RBFOX3: variants seen among roughly 807,000 people sequenced by gnomAD.
RBFOX3 encodes the protein RNA binding protein fox-1 homolog 3.
A neutral mutation model predicts 48.7 loss-of-function variants in RBFOX3; 17 were observed. The ratio of observed to expected loss-of-function variants is 0.35; its 90% CI spans 0.24 to 0.52. RBFOX3 has a LOEUF of 0.52. Ranked by LOEUF, RBFOX3 falls within the 20% of genes least tolerant of loss-of-function variation. The pLI is 0.94. For missense variants in RBFOX3, 382 were observed against 497.5 expected (o/e 0.77, Z 2.21); for synonymous variants, 212 against 209.5 (o/e 1.01, Z -0.10).
At chr17:79,590,779 G>A (rs1013203301) in intron 1 of RBFOX3, among the ~76,000 whole-genome samples, 3 of 152,182 alleles carry the variant, frequency 2.0e-5, no homozygotes, top group Admixed American at 6.5e-5. Flanking sequence ...TTTCTCACCA[G>A]AACGAAAAGG....
intron 2 of RBFOX3, among the ~76,000 whole-genome samples, chr17:79,399,321 C>CGGGA (rs940269658): frequency 1.1e-4 from 17 of 152,334 alleles, no homozygotes; most frequent in African/African-American, 4.1e-4. Flanking sequence ...ACCGAGGCAC[C>CGGGA]GGGAGGCAAA....
At chr17:79,584,565 T>TGC (rs2093178808) in intron 1 of RBFOX3, among the ~76,000 whole-genome samples, 1 of 152,064 alleles carries the variant, frequency 6.6e-6, no homozygotes, top group Admixed American at 6.5e-5. Context: ...TGTGTGTGTG[T>TGC]GTGTGTATGA....
chr17:79,248,634 G>A (rs1169661672), intron 3 of RBFOX3, among the ~76,000 whole-genome samples: 4 of 152,242 alleles, frequency 2.6e-5, no homozygotes, highest in African/African-American at 9.6e-5. Flanking sequence ...GTGGGCCTGT[G>A]CTTGGTGTCC....
intron 2 of RBFOX3, among the ~76,000 whole-genome samples, chr17:79,388,855 T>C (rs1325294689): frequency 6.6e-6 from 1 of 152,194 alleles, no homozygotes; most frequent in African/African-American, 2.4e-5. Context: ...GCTAACCACT[T>C]ATCTCTGAGC....
At chr17:79,546,298 G>A (rs1318474946) in intron 1 of RBFOX3, among the ~76,000 whole-genome samples, 1 of 152,154 alleles carries the variant, frequency 6.6e-6, no homozygotes, top group Non-Finnish European at 1.5e-5. Context: ...AGGAAGCACA[G>A]GTTTATGGAG....
At chr17:79,424,368 C>T (rs2066980536) in intron 2 of RBFOX3, among the ~76,000 whole-genome samples, 1 of 152,192 alleles carries the variant, frequency 6.6e-6, no homozygotes, top group Non-Finnish European at 1.5e-5. Flanking sequence ...AGCCCCTGCC[C>T]CCAGAAGTGA....
intron 1 of RBFOX3, among the ~76,000 whole-genome samples, chr17:79,576,822 A>T (rs960917433): frequency 6.6e-6 from 1 of 152,256 alleles, no homozygotes; most frequent in Admixed American, 6.5e-5. Flanking sequence ...GGAGATGGAG[A>T]TGGGTAGAGA....
chr17:79,207,949 G>A (rs2013204), intron 4 of RBFOX3, among the ~76,000 whole-genome samples: 133,476 of 152,186 alleles, frequency 0.88, 59,900 homozygotes, highest in Non-Finnish European at 0.98. Context: ...TTTTAAAACA[G>A]TATGGGCCAC....
chr17:79,162,256 G>A (rs2047128827), intron 4 of RBFOX3, among the ~76,000 whole-genome samples: 1 of 152,212 alleles, frequency 6.6e-6, no homozygotes, highest in South Asian at 2.1e-4. Flanking sequence ...TAATCTGGGA[G>A]TTAATGTGGT....
intron 4 of RBFOX3, among the ~76,000 whole-genome samples, chr17:79,159,773 C>T (rs1293852182): frequency 6.6e-6 from 1 of 152,214 alleles, no homozygotes; most frequent in Non-Finnish European, 1.5e-5. Flanking sequence ...AAATCATTTG[C>T]TCACAACCAC....
At position 79,171,524 on chromosome 17, in the gene RBFOX3, A is replaced by G. The variant is rs186159634; in HGVS notation, c.-33-55776T>C. ...GCTGTGTTCCAATAAAACTTTTAAA[A>G]AATAAAAACAGACAGTGGGACAGAT... On this transcript the variant is annotated intron_variant, in intron 4 of 14. Transcript: ENST00000693108. Among the ~76,000 whole-genome samples, 5 of 152,368 alleles carry G rather than the reference A, an allele frequency of 3.3e-5. No homozygotes were observed. The East Asian group carries it at 9.6e-4, about 29-fold the overall frequency.
At chr17:79,286,464 A>T (rs1157246151) in intron 3 of RBFOX3, among the ~76,000 whole-genome samples, 1 of 152,178 alleles carries the variant, frequency 6.6e-6, no homozygotes, top group Non-Finnish European at 1.5e-5. Flanking sequence ...CCCAAAGACC[A>T]GCAAAGCCTG....
intron 4 of RBFOX3, among the ~76,000 whole-genome samples, chr17:79,210,176 G>T (rs2058183204): frequency 6.6e-6 from 1 of 152,208 alleles, no homozygotes; most frequent in Admixed American, 6.5e-5. Context: ...AGTGGGGAGT[G>T]CAGGGGGCCA....
chr17:79,175,401 G>A (rs544007307), intron 4 of RBFOX3, among the ~76,000 whole-genome samples: 4 of 152,218 alleles, frequency 2.6e-5, no homozygotes, highest in Admixed American at 1.3e-4. Flanking sequence ...CTGTCATAAC[G>A]GCTTCAGATG....
intron 4 of RBFOX3, among the ~76,000 whole-genome samples, chr17:79,127,930 C>T (rs552224512): frequency 3.3e-5 from 5 of 152,234 alleles, no homozygotes; most frequent in Admixed American, 1.3e-4. Flanking sequence ...GCCCCCGTCA[C>T]GCTGCTGGTG....
At chr17:79,369,985 G>A (rs1181108723) in intron 2 of RBFOX3, among the ~76,000 whole-genome samples, 2 of 152,148 alleles carry the variant, frequency 1.3e-5, no homozygotes, top group Non-Finnish European at 1.5e-5. Context: ...CCCACCAGAC[G>A]CCCTTCGTTA....
intron 2 of RBFOX3, among the ~76,000 whole-genome samples, chr17:79,463,793 A>T (rs1198905354): frequency 7.2e-6 from 1 of 139,514 alleles, no homozygotes; most frequent in Admixed American, 7.1e-5. Flanking sequence ...CTCCACCACC[A>T]TCTCCACTGC....
chr17:79,226,662 T>C lies in RBFOX3; in HGVS notation c.-34+9104A>G, dbSNP rs1221369341. Among the ~76,000 whole-genome samples the C allele has an allele frequency of 2.0e-5, 3 of 152,226 alleles. No individual in the cohort carries two copies. In the East Asian group the frequency reaches 5.8e-4, roughly 29 times the overall value. On this transcript the variant is annotated intron_variant, in intron 4 of 14. Transcript: ENST00000693108. ...TGCTGGGCAGCTTTGAGCAGATTAC[T>C]TAACCTTTCTGAGCCTCTGTTCCCT...
chr17:79,368,826 T>A (rs1531158), intron 2 of RBFOX3, among the ~76,000 whole-genome samples: 147,788 of 152,326 alleles, frequency 0.97, 71,847 homozygotes, highest in East Asian at 1. Flanking sequence ...AATGAGAAGA[T>A]AAAATGAACT....
Sources: gnomAD v4.1 joint callset for allele counts (sites outside exome capture counted in the v4.1 genomes callset) on GRCh38, gnomAD v4.1.1 for gene constraint, MANE v1.5 for transcripts, NCBI Gene and HGNC (gene_info 2026-07-23, HGNC 2026-07-21) for gene names.